The following PHF14 variants were observed in gnomAD, a reference collection of about 807,000 sequenced individuals.
PHF14 encodes the protein PHD finger protein 14.
PHF14 carries 55 observed loss-of-function variants against 117.9 expected under a neutral mutation model. The ratio of observed to expected loss-of-function variants is 0.47; its 90% CI spans 0.38 to 0.58. The LOEUF (loss-of-function observed/expected upper bound fraction) is 0.58, where lower values mean the gene tolerates loss of function less well. Among genes scored for constraint, PHF14 ranks in the 20% least tolerant of loss-of-function variants. The pLI, the probability that PHF14 is intolerant of heterozygous loss-of-function variation, is 0.00. For missense variants in PHF14, 978 were observed against 1,122.2 expected (o/e 0.87, Z 1.84); for synonymous variants, 409 against 368.6 (o/e 1.11, Z -1.26).
chr7:11,050,595 T>C (rs1784825084), intron 13 of PHF14, among the ~76,000 whole-genome samples: 1 of 152,146 alleles, frequency 6.6e-6, no homozygotes, highest in Non-Finnish European at 1.5e-5. Context: ...CAGTGGTATT[T>C]GCCACATTTC....
At chr7:11,095,523 A>C (rs908917857) in intron 16 of PHF14, among the ~76,000 whole-genome samples, 2 of 152,146 alleles carry the variant, frequency 1.3e-5, no homozygotes, top group African/African-American at 4.8e-5. Context: ...CATTTCGTTT[A>C]ATCCTGTATC....
At chr7:11,051,512 A>G in intron 13 of PHF14, 100 bp from the exon 14 acceptor site, 1 of 908,484 alleles carries the variant, frequency 1.1e-6, no homozygotes, top group Non-Finnish European at 1.6e-6. Context: ...ATATTTTTAT[A>G]TATTATTCTT....
intron 17 of PHF14, among the ~76,000 whole-genome samples, chr7:11,131,884 A>G (rs11486775): frequency 6.6e-6 from 1 of 151,722 alleles, no homozygotes; most frequent in Non-Finnish European, 1.5e-5. Flanking sequence ...ATGGTCCAGC[A>G]CTATTTGTTA....
At chr7:11,005,932 A>G (rs1298828086) in intron 4 of PHF14, among the ~76,000 whole-genome samples, 2 of 151,498 alleles carry the variant, frequency 1.3e-5, no homozygotes, top group African/African-American at 4.9e-5. Context: ...AGCTGGGACT[A>G]CAGGCATGCG....
intron 16 of PHF14, among the ~76,000 whole-genome samples, chr7:11,081,680 C>A (rs905789391): frequency 6.6e-6 from 1 of 151,092 alleles, no homozygotes. Flanking sequence ...CAGGATGAAA[C>A]CCTGTCTCTA....
intron 16 of PHF14, among the ~76,000 whole-genome samples, chr7:11,089,270 T>C (rs1786548381): frequency 6.6e-6 from 1 of 152,222 alleles, no homozygotes; most frequent in East Asian, 1.9e-4. Context: ...GTAATTTCAG[T>C]TAGTTATGCA....
rs1442800408 is a variant in PHF14 at position 11,071,174 on chromosome 7, CT to C, written c.2654+9093del. The C allele has an allele frequency of 6.6e-6, 3 of 455,460 alleles. No individual in the cohort carries two copies. The East Asian group carries it at 1.7e-4, about 26-fold the overall frequency. The allele number at this position is 455,460 out of a possible 1,614,324, so 28.2% of individuals were successfully genotyped here. The stretch of plus-strand genomic sequence containing the variant: ...AGTCACTTAATCTCTTTCAATCTCA[CT>C]TTTCTTATTTTAGGAGAATACCTTA... On this transcript the variant is annotated intron_variant, in intron 16 of 17. Transcript: ENST00000634607.
intron 16 of PHF14, among the ~76,000 whole-genome samples, chr7:11,094,974 T>C (rs1204937581): frequency 6.6e-6 from 1 of 152,196 alleles, no homozygotes; most frequent in Non-Finnish European, 1.5e-5. Flanking sequence ...TTGTTGTTGT[T>C]GTTATTGTTT....
Position 11,159,439 on chromosome 7 carries a change from A to G in PHF14, c.2773-9977A>G, listed in dbSNP as rs1029796698. Among the ~76,000 whole-genome samples the G allele has an allele frequency of 2.0e-5, 3 of 152,240 alleles. 1 individual carries two copies. The highest frequency in any genetic ancestry group is 1.9e-4 in the East Asian group (1 of 5,190). ...TACTTTTTATTGTGATGTCAATTAA[A>G]TGGCCAAAGATGATGATTGTTATTT... On this transcript the variant is annotated intron_variant, in intron 17 of 17. Transcript: ENST00000634607.
intron 16 of PHF14, among the ~76,000 whole-genome samples, chr7:11,079,076 G>C (rs1263776366): frequency 6.6e-6 from 1 of 152,128 alleles, no homozygotes; most frequent in Non-Finnish European, 1.5e-5. Context: ...CCTAAACTAA[G>C]ATGAATTAAG....
chr7:11,136,441 A>G (rs554318375), intron 17 of PHF14, among the ~76,000 whole-genome samples: 1 of 152,274 alleles, frequency 6.6e-6, no homozygotes, highest in East Asian at 1.9e-4. Context: ...AGAGTAAAGT[A>G]TCTGTACTAT....
intron 16 of PHF14, 200 bp from the exon 17 acceptor site, chr7:11,111,150 A>G (rs373570852): frequency 1.8e-5 from 8 of 450,198 alleles, no homozygotes; most frequent in Admixed American, 4.0e-5. Context: ...TTGCTGTTGT[A>G]TTTTGTTTTT....
chr7:11,156,152 A>G (rs564512892), intron 17 of PHF14, among the ~76,000 whole-genome samples: 55 of 152,234 alleles, frequency 3.6e-4, no homozygotes, highest in Non-Finnish European at 4.6e-4. Flanking sequence ...ATCATTCTTT[A>G]ATAAAAGCAA....
intron 14 of PHF14, among the ~76,000 whole-genome samples, chr7:11,054,578 G>A (rs1030063755): frequency 2.6e-5 from 4 of 152,052 alleles, no homozygotes; most frequent in African/African-American, 9.7e-5. Flanking sequence ...TTCTATTTGA[G>A]TTGTATTTAT....
chr7:10,994,846 A>C (rs113615231), intron 4 of PHF14, among the ~76,000 whole-genome samples: 2,276 of 152,228 alleles, frequency 0.015, 46 homozygotes, highest in African/African-American at 0.052. Flanking sequence ...CCGAAGAGTG[A>C]GCAGCAGCAA....
intron 16 of PHF14, among the ~76,000 whole-genome samples, chr7:11,083,694 C>G (rs981350536): frequency 3.3e-5 from 5 of 151,974 alleles, no homozygotes; most frequent in African/African-American, 1.2e-4. Flanking sequence ...AACTCCTGAC[C>G]TCGTGACCCA....
chr7:11,085,291 G>A (rs1228962510), intron 16 of PHF14, among the ~76,000 whole-genome samples: 2 of 152,022 alleles, frequency 1.3e-5, no homozygotes, highest in Non-Finnish European at 2.9e-5. Flanking sequence ...ATACTGTTTT[G>A]CTTTACCAGA....
intron 14 of PHF14, among the ~76,000 whole-genome samples, chr7:11,052,460 A>G (rs1484748690): frequency 2.0e-5 from 3 of 152,128 alleles, no homozygotes; most frequent in African/African-American, 7.2e-5. Flanking sequence ...TCCTATAAAT[A>G]TCTCCTGCAG....
chr7:11,039,418 T>C (rs1784430590), intron 11 of PHF14, among the ~76,000 whole-genome samples: 1 of 152,186 alleles, frequency 6.6e-6, no homozygotes, highest in Non-Finnish European at 1.5e-5. Context: ...ACTTTATTCA[T>C]GAACACCTTT....
Sources: gnomAD v4.1 joint callset for allele counts (sites outside exome capture counted in the v4.1 genomes callset) on GRCh38, gnomAD v4.1.1 for gene constraint, MANE v1.5 for transcripts, NCBI Gene and HGNC (gene_info 2026-07-23, HGNC 2026-07-21) for gene names.